BFSP2: variants seen among roughly 807,000 people sequenced by gnomAD.
BFSP2 encodes beaded filament structural protein 2, also known as phakinin.
In BFSP2, 38 loss-of-function variants were observed where a neutral mutation model predicts 44.9. That is an observed-to-expected ratio of 0.85 (90% confidence interval 0.65 to 1.11). The LOEUF (loss-of-function observed/expected upper bound fraction) is 1.11. Among genes scored for constraint, BFSP2 ranks in the 50% least tolerant of loss-of-function variants. The pLI is 0.00. For synonymous variants in BFSP2, 197 were observed against 209.9 expected, an observed-to-expected ratio of 0.94 and a Z score of 0.53; for missense variants, 525 against 533.0, an observed-to-expected ratio of 0.99 and a Z score of 0.15.
At position 133,450,283 on chromosome 3, in the gene BFSP2, A is replaced by G. The variant is rs541729511; in HGVS notation, c.730-20A>G. The G allele has an allele frequency of 7.9e-5, 127 of 1,613,844 alleles. 1 individual carries two copies. In the South Asian group the frequency reaches 9.6e-4, roughly 12 times the overall value. ...TATTTCCCCCCGTAACTCATCTAAG[A>G]TGTATATTGTTGTTTTCAGGATGTG... On this transcript the variant is annotated intron_variant, in intron 3 of 6. Transcript: ENST00000302334.
chr3:133,460,497 A>G (rs553728278), intron 4 of BFSP2, among the ~76,000 whole-genome samples: 1 of 152,198 alleles, frequency 6.6e-6, no homozygotes, highest in Non-Finnish European at 1.5e-5. Context: ...GCCTCAAGCA[A>G]TCTTTCTGCT....
intron 1 of BFSP2, among the ~76,000 whole-genome samples, chr3:133,407,015 A>G (rs1313709014): frequency 6.6e-6 from 1 of 152,192 alleles, no homozygotes; most frequent in Admixed American, 6.5e-5. Flanking sequence ...TTGAGGCTGC[A>G]GTGAGCCATG....
At chr3:133,442,852 T>C (rs1195225405) in intron 1 of BFSP2, among the ~76,000 whole-genome samples, 2 of 151,136 alleles carry the variant, frequency 1.3e-5, no homozygotes, top group East Asian at 3.9e-4. Flanking sequence ...GGGGAAATTA[T>C]CTAGATTTTC....
intron 1 of BFSP2, among the ~76,000 whole-genome samples, chr3:133,430,692 T>G (rs569329033): frequency 6.6e-5 from 10 of 152,136 alleles, no homozygotes; most frequent in Non-Finnish European, 1.0e-4. Context: ...CTGTTCCCAA[T>G]GCAACTCATC....
intron 1 of BFSP2, among the ~76,000 whole-genome samples, chr3:133,405,952 ATTT>A (rs1192277045): frequency 2.0e-5 from 3 of 151,878 alleles, no homozygotes; most frequent in African/African-American, 7.3e-5. Flanking sequence ...AAGCCTCTTT[ATTT>A]ATTTTTATTT....
intron 5 of BFSP2, among the ~76,000 whole-genome samples, chr3:133,469,809 A>G (rs1487390974): frequency 6.6e-6 from 1 of 152,236 alleles, no homozygotes; most frequent in Non-Finnish European, 1.5e-5. Context: ...TGGAAGACAC[A>G]TATAACCTTT....
At chr3:133,424,290 G>T (rs1393498165) in intron 1 of BFSP2, among the ~76,000 whole-genome samples, 2 of 139,648 alleles carry the variant, frequency 1.4e-5, no homozygotes, top group African/African-American at 5.2e-5. Flanking sequence ...GTCTGGTCTC[G>T]AACTCCTGAC....
At chr3:133,467,234 A>G (rs183865748) in intron 5 of BFSP2, among the ~76,000 whole-genome samples, 150 of 152,212 alleles carry the variant, frequency 9.9e-4, no homozygotes, top group African/African-American at 3.6e-3. Context: ...CAGCTGCCCC[A>G]CTGCTCCAGA....
intron 1 of BFSP2, among the ~76,000 whole-genome samples, chr3:133,403,795 C>G (rs908465102): frequency 2.0e-5 from 3 of 152,098 alleles, no homozygotes; most frequent in Admixed American, 6.5e-5. Flanking sequence ...TCCCCTGTCC[C>G]CTGGAATCTC....
intron 1 of BFSP2, among the ~76,000 whole-genome samples, chr3:133,428,318 G>GC (rs1458491143): frequency 6.9e-6 from 1 of 145,308 alleles, no homozygotes; most frequent in African/African-American, 2.8e-5. Flanking sequence ...CCTCAGGGCT[G>GC]CCCCACCCCC....
At chr3:133,469,647 G>A (rs145443928) in intron 5 of BFSP2, among the ~76,000 whole-genome samples, 341 of 152,358 alleles carry the variant, frequency 2.2e-3, no homozygotes, top group African/African-American at 7.4e-3. Context: ...TGCTGTCTGC[G>A]TGGCTGACTG....
intron 1 of BFSP2, among the ~76,000 whole-genome samples, chr3:133,404,105 C>G (rs2073384588): frequency 6.6e-6 from 1 of 152,150 alleles, no homozygotes. Flanking sequence ...TGCAGCGATG[C>G]CATCAGAGAT....
intron 1 of BFSP2, among the ~76,000 whole-genome samples, chr3:133,440,642 G>A (rs1162119221): frequency 6.6e-6 from 1 of 152,090 alleles, no homozygotes; most frequent in Non-Finnish European, 1.5e-5. Context: ...TCAGAACTTG[G>A]GGGGACAGAG....
At chr3:133,460,647 A>T (rs1407034054) in intron 4 of BFSP2, among the ~76,000 whole-genome samples, 1 of 152,146 alleles carries the variant, frequency 6.6e-6, no homozygotes, top group Non-Finnish European at 1.5e-5. Flanking sequence ...GTTATGCCAG[A>T]CTTCTGTTGG....
At chr3:133,409,450 AG>A (rs1195724178) in intron 1 of BFSP2, among the ~76,000 whole-genome samples, 9 of 152,316 alleles carry the variant, frequency 5.9e-5, no homozygotes, top group East Asian at 1.9e-4. Flanking sequence ...CCTATTTCCA[AG>A]TCTGACCACT....
At chr3:133,458,190 T>C (rs2074030417) in intron 4 of BFSP2, among the ~76,000 whole-genome samples, 1 of 152,248 alleles carries the variant, frequency 6.6e-6, no homozygotes, top group Non-Finnish European at 1.5e-5. Flanking sequence ...ATGCATTTCT[T>C]ACAAATTGCT....
chr3:133,474,899 T>C (rs1169711037), intron 6 of BFSP2, 70 bp from the exon 7 acceptor site: 1 of 1,589,398 alleles, frequency 6.3e-7, no homozygotes, highest in Non-Finnish European at 8.6e-7. Context: ...CCCTTTCTCG[T>C]AATCCTATTG....
chr3:133,400,201 C>T lies in BFSP2; in HGVS notation c.118C>T (p.Pro40Ser). The T allele has an allele frequency of 1.2e-6, 2 of 1,614,092 alleles. No homozygotes were observed. Among genetic ancestry groups the T allele is most frequent in the East Asian group, 4.5e-5 (2 of 44,876 alleles). The change falls in exon 1 of 7, where the codon CCA (proline) becomes TCA (serine). Residue 40 changes from proline to serine, a missense_variant. Transcript: ENST00000302334. This position sits in a 1 kb window ranked among gnomAD's most constrained non-coding sequence, Gnocchi z 4.0. ...PRSSSSLESP[P>S]ASRTNAMSGL... is the part of the protein sequence containing the mutation. ...GTCATCATCCTCCCTGGAGAGCCCC[C>T]CAGCCTCCAGGACCAATGCCATGAG...
At chr3:133,431,109 A>C (rs1408669217) in intron 1 of BFSP2, among the ~76,000 whole-genome samples, 1 of 152,138 alleles carries the variant, frequency 6.6e-6, no homozygotes, top group Non-Finnish European at 1.5e-5. Context: ...GAGACGCTTT[A>C]CAGCCCTAGA....
Sources: allele counts gnomAD v4.1 joint callset (sites outside exome capture counted in the v4.1 genomes callset), GRCh38; gene constraint gnomAD v4.1.1; non-coding constraint Gnocchi (gnomAD v3.1); transcripts MANE v1.5; gene names NCBI Gene and HGNC (gene_info 2026-07-23, HGNC 2026-07-21).